MROH2A: variants seen among roughly 807,000 people sequenced by gnomAD.
MROH2A encodes maestro heat like repeat family member 2A.
Under a neutral mutation model 200.4 loss-of-function variants are expected in MROH2A, and 174 were observed. The observed-to-expected ratio is 0.87, with a 90% confidence interval of 0.77 to 0.98. MROH2A has a LOEUF of 0.98. MROH2A is among the 50% of genes least tolerant of loss of function. The pLI, the probability that MROH2A is intolerant of heterozygous loss-of-function variation, is 0.00. For synonymous variants in MROH2A, 829 were observed against 840.4 expected (o/e 0.99, Z 0.23); for missense variants, 2,045 against 2,139.6 (o/e 0.96, Z 0.87).
In MROH2A at chr2:233,807,540, G is replaced by A. The variant is rs749457082; in HGVS notation, c.2170G>A (p.Glu724Lys). ...KTDYSNDFDS[E>K]GVIMCFGLCA... is the part of the protein sequence containing the mutation. ...GGACTACAGCAATGACTTTGACAGCGAGGTGAGGGTGCCTGCAGCCTCCTC... is the reference window on the plus strand; with the variant it reads ...GGACTACAGCAATGACTTTGACAGCAAGGTGAGGGTGCCTGCAGCCTCCTC... The change falls in exon 20 of 42, where the codon GAG becomes AAG. Residue 724 changes from glutamate (E) to lysine (K), a missense_variant and splice_region_variant. This residue lies in a region of MROH2A where 1,201 missense variants were observed against 1,311.3 expected (regional missense o/e 0.92). Transcript: ENST00000389758. This position sits in a 1 kb window ranked among gnomAD's most constrained non-coding sequence, Gnocchi z 4.3. 15 of 1,550,488 alleles carry A rather than the reference G, an allele frequency of 9.7e-6. No individual in the cohort carries two copies. Among genetic ancestry groups the A allele is most frequent in the East Asian group, 4.9e-5 (2 of 40,924 alleles).
Position 233,823,579 on chromosome 2 carries a change from G to A in MROH2A, c.4028G>A (p.Gly1343Asp). ...LARLCMQHVE[G>D]HRQRLAELVL... Reference sequence around the variant, plus strand: ...AGGCTGTGCATGCAGCACGTGGAGGGCCACAGGCAGAGGCTGGCCGAGCTG... The same window carrying A: ...AGGCTGTGCATGCAGCACGTGGAGGACCACAGGCAGAGGCTGGCCGAGCTG... Residue 1343 changes from glycine (G) to aspartate (D), a missense_variant, in exon 35 of 42, where the codon GGC (glycine) becomes GAC (aspartate). This residue lies in a region of MROH2A where 1,201 missense variants were observed against 1,311.3 expected (regional missense o/e 0.92). Coordinates refer to ENST00000389758, the MANE Select transcript of MROH2A (RefSeq NM_001394639.1). The A allele has an allele frequency of 1.3e-6, 2 of 1,550,276 alleles. No individual in the cohort carries two copies. The highest frequency in any genetic ancestry group is 8.7e-7 in the Non-Finnish European group (1 of 1,146,968).
At chr2:233,824,606 C>A (rs565242844) in intron 35 of MROH2A, among the ~76,000 whole-genome samples, 1 of 152,364 alleles carries the variant, frequency 6.6e-6, no homozygotes, top group African/African-American at 2.4e-5. Context: ...AGAGCCTCCG[C>A]TCAGTTGCTG....
rs1033731738 is a variant in MROH2A at position 233,809,165 on chromosome 2, C to T, written c.2335C>T (p.Leu779Phe). ...PWRRETVKSA[L>F]MVMYSCVASY... is the part of the protein sequence containing the mutation. ...GAGGCGGGAGACAGTGAAAAGTGCC[C>T]TCATGGTGATGTATAGCTGCGTGGC... Residue 779 changes from leucine (L) to phenylalanine (F), a missense_variant, in exon 22 of 42, where the codon CTC (leucine) becomes TTC (phenylalanine). Coordinates refer to ENST00000389758, the MANE Select transcript of MROH2A (RefSeq NM_001394639.1). The T allele has an allele frequency of 1.3e-6, 2 of 1,550,510 alleles. No homozygotes were observed. Among genetic ancestry groups the T allele is most frequent in the South Asian group, 1.2e-5 (1 of 84,062 alleles).
chr2:233,802,314 A>G lies in MROH2A; in HGVS notation c.1707A>G (p.Gln569=). Residue 569 remains glutamine (Q), a splice_region_variant and synonymous_variant, in exon 15 of 42, where the codon CAA becomes CAG. Transcript: ENST00000389758. ...TCAGCGTGGCTGGCAAGAGCAGGCA[A>G]GGTGGGCAAAGTTCCTGTCCAGCTG... The part of the protein sequence containing the change: ...VDVSVAGKSR[Q]VDLPAPQKLL... The G allele has an allele frequency of 1.9e-6, 3 of 1,548,928 alleles. No homozygotes were observed. The highest frequency in any genetic ancestry group is 2.6e-6 in the Non-Finnish European group (3 of 1,146,188).
chr2:233,795,813 A>G (rs1702067676), intron 9 of MROH2A, 68 bp downstream of exon 9: 1 of 1,549,930 alleles, frequency 6.5e-7, no homozygotes, highest in Non-Finnish European at 8.7e-7. Context: ...TGGCGGCGGG[A>G]GGTGGCCTGG....
At chr2:233,804,717 C>G (rs1437201564) in intron 18 of MROH2A, among the ~76,000 whole-genome samples, 170 bp downstream of exon 18, 2 of 152,134 alleles carry the variant, frequency 1.3e-5, no homozygotes, top group Non-Finnish European at 2.9e-5. Flanking sequence ...GTGTCCATCC[C>G]CAGGGGAGAA....
At chr2:233,823,448 T>C in intron 34 of MROH2A, 108 bp from the exon 35 acceptor site, 2 of 1,355,728 alleles carry the variant, frequency 1.5e-6, no homozygotes, top group Non-Finnish European at 2.0e-6. Flanking sequence ...TTTCCGGGGT[T>C]ATCTTGCCAC....
At position 233,800,219 on chromosome 2, in the gene MROH2A, G is replaced by A; in HGVS notation, c.1464G>A (p.Glu488=). 1 of 1,549,250 alleles carries A rather than the reference G, an allele frequency of 6.5e-7. No homozygotes were observed. The highest frequency in any genetic ancestry group is 8.7e-7 in the Non-Finnish European group (1 of 1,146,348). The part of the protein sequence containing the change: ...LSTYKLTNRR[E]KFYQRDLEER... ...CTTTCTTCCAGACAAATCGCCGGGAGAAGTTTTATCAGAGGGACTTGGAGG... is the reference window on the plus strand; with the variant it reads ...CTTTCTTCCAGACAAATCGCCGGGAAAAGTTTTATCAGAGGGACTTGGAGG... The change falls in exon 14 of 42, where the codon GAG becomes GAA. Residue 488 remains glutamate, a synonymous_variant. Transcript: ENST00000389758.
At chr2:233,810,133 A>G (rs1703061676) in intron 22 of MROH2A, among the ~76,000 whole-genome samples, 1 of 152,204 alleles carries the variant, frequency 6.6e-6, no homozygotes, top group Admixed American at 6.5e-5. Context: ...GCCCCTGGTC[A>G]CTGAAGGCGG....
At chr2:233,814,070 G>C (rs1326363077) in intron 25 of MROH2A, among the ~76,000 whole-genome samples, 1 of 152,186 alleles carries the variant, frequency 6.6e-6, no homozygotes, top group Non-Finnish European at 1.5e-5. Context: ...AACCCAGGCT[G>C]GTGGAGTCCT....
intron 35 of MROH2A, among the ~76,000 whole-genome samples, chr2:233,826,770 T>C (rs1291123418): frequency 1.3e-5 from 2 of 152,136 alleles, no homozygotes; most frequent in Non-Finnish European, 2.9e-5. Context: ...GAGACTATCA[T>C]CAGAGTGAAC....
Position 233,807,969 on chromosome 2 carries a change from C to G in MROH2A, c.2295+114C>G. Reference sequence around the variant, plus strand: ...AGGAAACTTGCCTCACACGGAGTCTCCTGTCATCAAAATGGCTGAGACATT... The same window carrying G: ...AGGAAACTTGCCTCACACGGAGTCTGCTGTCATCAAAATGGCTGAGACATT... On this transcript the variant is annotated intron_variant, in intron 21 of 41. Coordinates refer to ENST00000389758, the MANE Select transcript of MROH2A (RefSeq NM_001394639.1). The surrounding 1 kb of genome is among the most constrained non-coding windows in gnomAD (Gnocchi z 4.3). The G allele has an allele frequency of 7.5e-7, 1 of 1,329,130 alleles. No homozygotes were observed. Among genetic ancestry groups the G allele is most frequent in the Non-Finnish European group, 1.0e-6 (1 of 962,174 alleles). 82.3% of individuals were successfully genotyped at this position (1,329,130 alleles called of 1,614,324 possible). A position where few individuals can be genotyped will look rare whatever the true frequency, so the allele number is the denominator to read the frequency against.
chr2:233,799,023 G>A (rs1396403470), intron 12 of MROH2A, among the ~76,000 whole-genome samples, 173 bp downstream of exon 12: 2 of 152,148 alleles, frequency 1.3e-5, no homozygotes, highest in African/African-American at 2.4e-5. Context: ...TTCCACTCTC[G>A]AGACCTCATT....
intron 21 of MROH2A, among the ~76,000 whole-genome samples, chr2:233,808,106 C>T (rs1006302454): frequency 2.6e-5 from 4 of 152,166 alleles, no homozygotes; most frequent in African/African-American, 9.7e-5. Flanking sequence ...CCCCTTGCTA[C>T]TCATGGTGGG....
chr2:233,793,171 A>G (rs1168970621), intron 6 of MROH2A, among the ~76,000 whole-genome samples: 1 of 152,232 alleles, frequency 6.6e-6, no homozygotes, highest in African/African-American at 2.4e-5. Flanking sequence ...TAAGCACTTC[A>G]GTTCATGAGA....
chr2:233,822,152 T>C lies in MROH2A; in HGVS notation c.3541T>C (p.Ser1181Pro). The C allele has an allele frequency of 1.3e-6, 2 of 1,550,084 alleles. No individual in the cohort carries two copies. Among genetic ancestry groups the C allele is most frequent in the South Asian group, 2.4e-5 (2 of 84,028 alleles). ...SHLAEVWLAV[S>P]ENVPFARTML... ...CCTGGCAGAGGTGTGGCTGGCAGTG[T>C]CGGAGAACGTGCCCTTCGCCCGGAC... Residue 1181 changes from serine (S) to proline (P), a missense_variant, in exon 32 of 42, where the codon TCG becomes CCG. Coordinates refer to ENST00000389758, the MANE Select transcript of MROH2A (RefSeq NM_001394639.1).
Position 233,828,423 on chromosome 2 carries a change from C to T in MROH2A, c.4114-207C>T. On this transcript the variant is annotated intron_variant, in intron 35 of 41. Transcript: ENST00000389758. This position sits in a 1 kb window ranked among gnomAD's most constrained non-coding sequence, Gnocchi z 4.6. ...ACGTAACACTTATCTAGCATTCCCC[C>T]CATATTTCCTTATTAAATCCCCACA... is the stretch of plus-strand genomic sequence containing the variant. The T allele has an allele frequency of 3.5e-6, 2 of 566,584 alleles. No individual in the cohort carries two copies. The highest frequency in any genetic ancestry group is 2.8e-5 in the East Asian group (1 of 35,100). 35.1% of individuals were successfully genotyped at this position (566,584 alleles called of 1,614,324 possible).
intron 22 of MROH2A, among the ~76,000 whole-genome samples, chr2:233,809,699 A>G (rs1703029839): frequency 6.6e-6 from 1 of 152,228 alleles, no homozygotes; most frequent in Non-Finnish European, 1.5e-5. Context: ...AACACAGAGA[A>G]TAAAGCAAAA....
At chr2:233,818,259 AC>A in intron 28 of MROH2A, 134 bp downstream of exon 28, 1 of 1,116,908 alleles carries the variant, frequency 9.0e-7, no homozygotes, top group Non-Finnish European at 1.3e-6. Flanking sequence ...AACACAGGTG[AC>A]CATCAGAGGG....
Sources: allele counts gnomAD v4.1 joint callset (sites outside exome capture counted in the v4.1 genomes callset), GRCh38; gene constraint gnomAD v4.1.1; regional missense constraint gnomAD v4.1.1; non-coding constraint Gnocchi (gnomAD v3.1); transcripts MANE v1.5; gene names NCBI Gene and HGNC (gene_info 2026-07-23, HGNC 2026-07-21).